Variants in ELK3 observed in about 807,000 individuals in gnomAD.
The protein encoded by ELK3 is ETS domain-containing protein Elk-3.
Under a neutral mutation model 28.9 loss-of-function variants are expected in ELK3, and 10 were observed. The observed-to-expected ratio is 0.35, with a 90% confidence interval of 0.21 to 0.59. ELK3 has a LOEUF of 0.59. Ranked by LOEUF, ELK3 falls within the 20% of genes least tolerant of loss-of-function variation. The probability of loss-of-function intolerance (pLI) is 0.82; values close to 1 mark genes in which losing one functional copy is unlikely to be tolerated. For synonymous variants in ELK3, 272 were observed against 243.5 expected (o/e 1.12, Z -1.09); for missense variants, 463 against 517.3 (o/e 0.90, Z 1.02).
rs1339131272 is a variant in ELK3, at chr12:96,194,428, G to C, written c.-280G>C. The C allele has an allele frequency of 6.7e-6, 1 of 149,294 alleles. No homozygotes were observed. The highest frequency in any genetic ancestry group is 2.4e-5 in the African/African-American group (1 of 41,102). 9.2% of individuals were successfully genotyped at this position (149,294 alleles called of 1,614,324 possible). On this transcript the variant is annotated 5_prime_UTR_variant, in exon 1 of 5. Transcript: ENST00000228741. The stretch of plus-strand genomic sequence containing the variant: ...CAGCCGCGGCCGGGGCGCGCGGCGC[G>C]GGGCGGAAAAGCCTGTTTACACAGA...
At chr12:96,266,302 C>T (rs1165549520) in intron 4 of ELK3, among the ~76,000 whole-genome samples, 1 of 152,194 alleles carries the variant, frequency 6.6e-6, no homozygotes, top group Non-Finnish European at 1.5e-5. Flanking sequence ...CTAGAAAAGA[C>T]AGCCCAGGAG....
At chr12:96,216,884 A>C (rs74499374) in intron 1 of ELK3, among the ~76,000 whole-genome samples, 1 of 152,208 alleles carries the variant, frequency 6.6e-6, no homozygotes. Context: ...TTGAACCCAG[A>C]GAGTCAGGTG....
At chr12:96,235,595 G>A (rs1951777161) in intron 2 of ELK3, among the ~76,000 whole-genome samples, 1 of 152,106 alleles carries the variant, frequency 6.6e-6, no homozygotes, top group East Asian at 1.9e-4. Flanking sequence ...CCTTTAGCAA[G>A]TGAGGATCTT....
intron 4 of ELK3, among the ~76,000 whole-genome samples, chr12:96,265,244 A>C (rs1240097366): frequency 6.6e-6 from 1 of 152,240 alleles, no homozygotes; most frequent in East Asian, 1.9e-4. Context: ...CAGGCTAATC[A>C]AGAGAAACTA....
At chr12:96,260,759 CT>C (rs2137043299) in intron 4 of ELK3, among the ~76,000 whole-genome samples, 1 of 152,352 alleles carries the variant, frequency 6.6e-6, no homozygotes, top group African/African-American at 2.4e-5. Flanking sequence ...CAAACTCCCT[CT>C]TTCCCAAATT....
At chr12:96,220,120 T>A (rs906862713) in intron 1 of ELK3, among the ~76,000 whole-genome samples, 6 of 152,218 alleles carry the variant, frequency 3.9e-5, no homozygotes, top group Non-Finnish European at 7.3e-5. Context: ...GAACAGCTCT[T>A]GCCTTCTCTA....
At chr12:96,205,762 C>T (rs1951534845) in intron 1 of ELK3, among the ~76,000 whole-genome samples, 1 of 152,174 alleles carries the variant, frequency 6.6e-6, no homozygotes, top group Admixed American at 6.5e-5. Flanking sequence ...CATATCTTTG[C>T]TGCATGCATA....
At chr12:96,252,702 C>T (rs994085916) in intron 3 of ELK3, among the ~76,000 whole-genome samples, 1 of 152,144 alleles carries the variant, frequency 6.6e-6, no homozygotes, top group African/African-American at 2.4e-5. Context: ...ATTGATCAAA[C>T]TTGATTGGGT....
chr12:96,219,081 T>A (rs1043171027), intron 1 of ELK3, among the ~76,000 whole-genome samples: 1 of 152,220 alleles, frequency 6.6e-6, no homozygotes, highest in African/African-American at 2.4e-5. Context: ...ATGAAACATT[T>A]TAACTTAGAG....
intron 2 of ELK3, among the ~76,000 whole-genome samples, chr12:96,241,264 C>T (rs368717174): frequency 5.4e-4 from 83 of 152,318 alleles, no homozygotes; most frequent in African/African-American, 1.9e-3. Flanking sequence ...ATCCTAATAA[C>T]ATCATCAAGA....
chr12:96,260,397 G>C (rs1329336533), intron 4 of ELK3, among the ~76,000 whole-genome samples: 1 of 152,166 alleles, frequency 6.6e-6, no homozygotes. Context: ...AATAAAAATA[G>C]TGAACAATTT....
intron 2 of ELK3, among the ~76,000 whole-genome samples, chr12:96,241,633 A>G (rs961239273): frequency 6.6e-6 from 1 of 152,316 alleles, no homozygotes; most frequent in Admixed American, 6.5e-5. Flanking sequence ...AGATCCTGTC[A>G]TGGGCTGCTG....
At chr12:96,201,604 G>A (rs1375791610) in intron 1 of ELK3, among the ~76,000 whole-genome samples, 7 of 149,784 alleles carry the variant, frequency 4.7e-5, no homozygotes, top group Non-Finnish European at 1.0e-4. Context: ...AAAAAAAAAG[G>A]GATTGAAGTG....
At chr12:96,222,525 T>C (rs1951669714) in intron 1 of ELK3, among the ~76,000 whole-genome samples, 1 of 152,090 alleles carries the variant, frequency 6.6e-6, no homozygotes, top group Non-Finnish European at 1.5e-5. Context: ...TTGGCAGTGA[T>C]TGTTCGGTTT....
intron 2 of ELK3, among the ~76,000 whole-genome samples, chr12:96,232,426 TG>T (rs1450471222): frequency 6.6e-6 from 1 of 151,684 alleles, no homozygotes; most frequent in Non-Finnish European, 1.5e-5. Context: ...AAAAATTAGC[TG>T]GGCATGGTGG....
chr12:96,215,305 AC>A (rs1247254724), intron 1 of ELK3, among the ~76,000 whole-genome samples: 1 of 152,158 alleles, frequency 6.6e-6, no homozygotes, highest in Non-Finnish European at 1.5e-5. Flanking sequence ...GGAGGCAAAA[AC>A]CTCATACTTT....
At chr12:96,246,083 A>G (rs1951853271) in intron 2 of ELK3, among the ~76,000 whole-genome samples, 1 of 152,214 alleles carries the variant, frequency 6.6e-6, no homozygotes, top group Non-Finnish European at 1.5e-5. Flanking sequence ...TTTGATGATG[A>G]TAACTTGCAT....
intron 1 of ELK3, among the ~76,000 whole-genome samples, chr12:96,197,580 G>A (rs148686494): frequency 8.6e-4 from 131 of 151,976 alleles, no homozygotes; most frequent in African/African-American, 3.1e-3. Flanking sequence ...AGTGACATAC[G>A]GATGGTGACC....
chr12:96,267,025 T>C (rs904309149), intron 4 of ELK3, 57 bp from the exon 5 acceptor site: 28 of 1,480,478 alleles, frequency 1.9e-5, no homozygotes, highest in African/African-American at 4.2e-5. Context: ...GTAAAGAACC[T>C]AAGTTCTTCC....
Sources: allele counts gnomAD v4.1 joint callset (sites outside exome capture counted in the v4.1 genomes callset), GRCh38; gene constraint gnomAD v4.1.1; transcripts MANE v1.5; gene names NCBI Gene and HGNC (gene_info 2026-07-23, HGNC 2026-07-21).